The following C10orf53 variants were observed in gnomAD, a reference collection of about 807,000 sequenced individuals.
C10orf53 encodes UPF0728 protein C10orf53.
Under a neutral mutation model 9.4 loss-of-function variants are expected in C10orf53, and 8 were observed. The observed-to-expected ratio is 0.85, with a 90% CI of 0.50 to 1.53. The LOEUF is 1.53. C10orf53 is among the 40% of genes most tolerant of loss of function. The pLI, the probability that C10orf53 is intolerant of heterozygous loss-of-function variation, is 0.00. For missense variants in C10orf53, 117 were observed against 117.8 expected, an observed-to-expected ratio of 0.99 and a Z score of 0.03; for synonymous variants, 48 against 46.0, an observed-to-expected ratio of 1.04 and a Z score of -0.18.
At chr10:49,688,886 C>T (rs1255809108) in intron 1 of C10orf53, among the ~76,000 whole-genome samples, 4 of 152,192 alleles carry the variant, frequency 2.6e-5, no homozygotes, top group African/African-American at 9.7e-5. Context: ...CTGCCTCCCT[C>T]TTCCTGATCT....
At chr10:49,679,845 C>T (rs1840462756) in intron 1 of C10orf53, 51 bp downstream of exon 1, 4 of 1,483,466 alleles carry the variant, frequency 2.7e-6, no homozygotes, top group Non-Finnish European at 2.7e-6. Context: ...TCTGAGCATC[C>T]GTGCAGGTGG....
At chr10:49,705,724 G>A (rs1241194891) in intron 2 of C10orf53, among the ~76,000 whole-genome samples, 1 of 151,868 alleles carries the variant, frequency 6.6e-6, no homozygotes, top group African/African-American at 2.4e-5. Flanking sequence ...TTTGGCAAAT[G>A]TTTCTTATAT....
downstream of C10orf53, among the ~76,000 whole-genome samples, chr10:49,700,449 C>T (rs1237780566): frequency 6.6e-6 from 1 of 152,190 alleles, no homozygotes; most frequent in East Asian, 1.9e-4. Context: ...CCACCCAGAC[C>T]AGGGAAATGG....
chr10:49,698,663 G>A (rs181279857), downstream of C10orf53, among the ~76,000 whole-genome samples: 3 of 152,334 alleles, frequency 2.0e-5, no homozygotes, highest in Admixed American at 6.5e-5. Context: ...GGCATAAGGC[G>A]TGTGGAACTA....
In C10orf53 at chr10:49,679,735, C is replaced by T. The variant is rs888402282; in HGVS notation, c.38C>T (p.Pro13Leu). Residue 13 changes from proline to leucine, a missense_variant, in exon 1 of 3, where the codon CCC becomes CTC. Physicochemically the swap from Pro to Leu is moderately conservative, Grantham distance 98. Coordinates refer to ENST00000374111, the MANE Select transcript of C10orf53 (RefSeq NM_001042427.3). ...KNAVVILRYGPYSAAGLPVEH... is the reference protein window; with the variant it reads ...KNAVVILRYGLYSAAGLPVEH... ...GCAGTGGTCATCCTGCGCTATGGGC[C>T]CTACAGCGCGGCAGGCCTACCGGTG... is the stretch of plus-strand genomic sequence containing the variant. 5 of 1,547,136 alleles carry T rather than the reference C, an allele frequency of 3.2e-6. No homozygotes were observed. The African/African-American group carries it at 5.6e-5, about 17-fold the overall frequency.
At chr10:49,686,650 G>A (rs543235740) in intron 1 of C10orf53, among the ~76,000 whole-genome samples, 23 of 152,298 alleles carry the variant, frequency 1.5e-4, no homozygotes, top group African/African-American at 4.6e-4. Flanking sequence ...TTATGCGGTT[G>A]AGATAAGGAC....
chr10:49,692,694 G>A (rs75410317), intron 1 of C10orf53, among the ~76,000 whole-genome samples: 5,141 of 152,250 alleles, frequency 0.034, 113 homozygotes, highest in South Asian at 0.09. Flanking sequence ...AAAGTGGGGA[G>A]AAATACATTG....
At position 49,694,675 on chromosome 10, in the gene C10orf53, G is replaced by T; in HGVS notation, c.*73G>T. On this transcript the variant is annotated 3_prime_UTR_variant, in exon 3 of 3. Transcript: ENST00000374111. ...CAGCCATTCTATGATGCAGGCAGAA[G>T]TGGCTGTGCCACGGTGTGGACACTG... 1 of 1,610,622 alleles carries T rather than the reference G, an allele frequency of 6.2e-7. No individual in the cohort carries two copies. Among genetic ancestry groups the T allele is most frequent in the Non-Finnish European group, 8.5e-7 (1 of 1,178,310 alleles).
chr10:49,708,919 T>C, exon 3 of C10orf53: 1 of 362,110 alleles, frequency 2.8e-6, no homozygotes, highest in Middle Eastern at 8.1e-4. Flanking sequence ...TCTGCCCTTT[T>C]CTCAACAATG....
At chr10:49,693,619 G>A (rs1840604821) in intron 1 of C10orf53, among the ~76,000 whole-genome samples, 155 bp from the exon 2 acceptor site, 1 of 152,172 alleles carries the variant, frequency 6.6e-6, no homozygotes, top group South Asian at 2.1e-4. Context: ...AGGGCACCTG[G>A]GGCCAACACC....
chr10:49,694,233 T>C (rs1383679796), intron 2 of C10orf53: 2 of 565,924 alleles, frequency 3.5e-6, no homozygotes, highest in East Asian at 2.9e-5. Flanking sequence ...TCGAAGCTGC[T>C]TTTTTTCCAC....
exon 3 of C10orf53, chr10:49,709,081 G>A (rs867711258): frequency 4.8e-5 from 8 of 165,184 alleles, no homozygotes; most frequent in Non-Finnish European, 9.1e-5. Context: ...TGATCTGCCC[G>A]TTTCTTCCCT....
downstream of C10orf53, among the ~76,000 whole-genome samples, chr10:49,698,708 G>T (rs531344886): frequency 4.7e-4 from 72 of 152,166 alleles, no homozygotes; most frequent in Non-Finnish European, 1.0e-4. Context: ...GAAAATGCTG[G>T]TGGAAGGGAG....
chr10:49,700,736 G>A (rs2132888904), downstream of C10orf53, among the ~76,000 whole-genome samples: 1 of 152,296 alleles, frequency 6.6e-6, no homozygotes, highest in South Asian at 2.1e-4. Flanking sequence ...CTCCCAGGGT[G>A]AGCACAGCAG....
Position 49,682,334 on chromosome 10 carries a change from G to A in C10orf53, c.97+2540G>A, listed in dbSNP as rs538179290. ...TCAAGAATGAAGCCAGGGACCTCGCGGTGAGTGTTACAGCTCTTAAAGGTG... is the reference window on the plus strand; with the variant it reads ...TCAAGAATGAAGCCAGGGACCTCGCAGTGAGTGTTACAGCTCTTAAAGGTG... On this transcript the variant is annotated intron_variant, in intron 1 of 2. Transcript: ENST00000374111. Among the ~76,000 whole-genome samples, 7 of 152,150 alleles carry A rather than the reference G, an allele frequency of 4.6e-5. No homozygotes were observed. In the South Asian group the frequency reaches 1.0e-3, roughly 23 times the overall value.
chr10:49,689,597 C>T (rs1385740139), intron 1 of C10orf53, among the ~76,000 whole-genome samples: 4 of 151,926 alleles, frequency 2.6e-5, no homozygotes, highest in African/African-American at 4.8e-5. Flanking sequence ...TCAGCGATAG[C>T]GAAAAATTGG....
At chr10:49,703,016 T>C (rs1840695496) in intron 2 of C10orf53, among the ~76,000 whole-genome samples, 1 of 152,098 alleles carries the variant, frequency 6.6e-6, no homozygotes, top group Non-Finnish European at 1.5e-5. Context: ...ACAAGGACAG[T>C]GTACCCCACC....
intron 1 of C10orf53, among the ~76,000 whole-genome samples, chr10:49,691,375 G>T (rs943610822): frequency 6.6e-6 from 1 of 152,180 alleles, no homozygotes; most frequent in Non-Finnish European, 1.5e-5. Flanking sequence ...TCACTCTGTG[G>T]GTCCAAAAGT....
rs1379605397 is a variant in C10orf53, at chr10:49,691,729, G to A, written c.98-2045G>A. On this transcript the variant is annotated intron_variant, in intron 1 of 2. Coordinates refer to ENST00000374111, the MANE Select transcript of C10orf53 (RefSeq NM_001042427.3). ...TCTAAACTCCAAGCTCAGATGCCAC[G>A]TGAGGCTCAGTCAGCAGGCCCTGCA... Among the ~76,000 whole-genome samples the A allele has an allele frequency of 4.6e-5, 7 of 152,310 alleles. No homozygotes were observed. In the East Asian group the frequency reaches 9.7e-4, roughly 21 times the overall value.
Sources: allele counts gnomAD v4.1 joint callset (sites outside exome capture counted in the v4.1 genomes callset), GRCh38; gene constraint gnomAD v4.1.1; transcripts MANE v1.5; gene names NCBI Gene and HGNC (gene_info 2026-07-23, HGNC 2026-07-21).